The following PTPRJ variants were observed in gnomAD, a reference collection of about 807,000 sequenced individuals.
PTPRJ encodes the protein receptor-type tyrosine-protein phosphatase eta.
Under a neutral mutation model 141.3 loss-of-function variants are expected in PTPRJ, and 129 were observed. That is an observed-to-expected ratio of 0.91 (90% CI 0.79 to 1.06). The LOEUF (loss-of-function observed/expected upper bound fraction) is 1.06. Among genes scored for constraint, PTPRJ ranks in the 50% least tolerant of loss-of-function variants. The pLI is 0.00. For synonymous variants in PTPRJ, 610 were observed against 640.5 expected, an observed-to-expected ratio of 0.95 and a Z score of 0.72; for missense variants, 1,601 against 1,679.7, an observed-to-expected ratio of 0.95 and a Z score of 0.82.
intron 8 of PTPRJ, chr11:48,131,671 G>A: frequency 1.8e-6 from 1 of 560,918 alleles, no homozygotes; most frequent in Non-Finnish European, 3.2e-6. Flanking sequence ...GGCTACTTTG[G>A]TGCTAGAATT....
chr11:48,130,398 G>T, intron 7 of PTPRJ, 61 bp from the exon 8 acceptor site: 1 of 1,488,174 alleles, frequency 6.7e-7, no homozygotes, highest in South Asian at 1.3e-5. Flanking sequence ...TTCTGAGGTG[G>T]GGCATCCCTG....
intron 1 of PTPRJ, among the ~76,000 whole-genome samples, chr11:48,000,316 T>A (rs1438404592): frequency 6.7e-5 from 10 of 148,974 alleles, no homozygotes; most frequent in African/African-American, 1.5e-4. Context: ...AATTTTAAAA[T>A]TTTTTTTTTG....
intron 1 of PTPRJ, among the ~76,000 whole-genome samples, chr11:48,027,863 A>C (rs1201884362): frequency 6.7e-6 from 1 of 148,460 alleles, no homozygotes; most frequent in African/African-American, 2.5e-5. Flanking sequence ...GGAAGGCTGC[A>C]GTATTGTCAG....
Position 48,142,994 on chromosome 11 carries a change from T to G in PTPRJ, c.2519T>G (p.Phe840Cys). The G allele has an allele frequency of 6.2e-7, 1 of 1,614,202 alleles. No homozygotes were observed. Among genetic ancestry groups the G allele is most frequent in the Non-Finnish European group, 8.5e-7 (1 of 1,180,020 alleles). ...TCAGTAAAGGTCAAGTTCAGTGGAT[T>G]TGAAGCCAGCCACGGACCCATCAAA... Reference protein sequence around the residue: ...HNSVKVKFSGFEASHGPIKAY... With the variant: ...HNSVKVKFSGCEASHGPIKAY... The change falls in exon 12 of 25, where the codon TTT becomes TGT. Residue 840 changes from phenylalanine (F) to cysteine (C), a missense_variant. Transcript: ENST00000418331.
rs543157711 is a variant in PTPRJ at position 48,118,968 on chromosome 11, C to T, written c.353-2035C>T. Among the ~76,000 whole-genome samples the T allele has an allele frequency of 6.6e-5, 9 of 136,014 alleles. No homozygotes were observed. In the East Asian group the frequency reaches 1.9e-3, roughly 29 times the overall value. 89.2% of individuals were successfully genotyped at this position (136,014 alleles called of 152,430 possible). On this transcript the variant is annotated intron_variant, in intron 3 of 24. Transcript: ENST00000418331. The stretch of plus-strand genomic sequence containing the variant: ...CCGGGAGGCAGAGGTTGCAGTGAGC[C>T]AAGATCACGCCACTACACTCCAGTC...
At chr11:47,997,487 T>C (rs1384937535) in intron 1 of PTPRJ, among the ~76,000 whole-genome samples, 1 of 152,208 alleles carries the variant, frequency 6.6e-6, no homozygotes. Flanking sequence ...TCTCATTCAC[T>C]GAGTCCTTTT....
intron 1 of PTPRJ, among the ~76,000 whole-genome samples, chr11:48,093,573 C>A (rs1855926922): frequency 1.3e-5 from 2 of 152,054 alleles, no homozygotes; most frequent in African/African-American, 4.8e-5. Flanking sequence ...TGATCGTGTA[C>A]AACTAAATGA....
chr11:48,046,910 ATATTTTTTTTTTT>A (rs1374946566), intron 1 of PTPRJ, among the ~76,000 whole-genome samples: 162 of 87,088 alleles, frequency 1.9e-3, no homozygotes, highest in Middle Eastern at 5.6e-3. Flanking sequence ...ATATATATAT[ATATTTTTTTTTTT>A]TTTTTTTTTT....
intron 3 of PTPRJ, among the ~76,000 whole-genome samples, chr11:48,120,780 C>G (rs1359940503): frequency 6.6e-6 from 1 of 152,098 alleles, no homozygotes; most frequent in African/African-American, 2.4e-5. Context: ...CAACTTCTGT[C>G]AGTTTTGCTT....
intron 1 of PTPRJ, among the ~76,000 whole-genome samples, chr11:47,989,632 CTATAGATAGATAGA>C (rs1854139925): frequency 6.6e-6 from 1 of 151,666 alleles, no homozygotes; most frequent in Non-Finnish European, 1.5e-5. Context: ...AAATCTATAT[CTATAGATAGATAGA>C]TATAGATATA....
At chr11:48,080,982 C>T (rs1251329032) in intron 1 of PTPRJ, among the ~76,000 whole-genome samples, 1 of 152,194 alleles carries the variant, frequency 6.6e-6, no homozygotes, top group Non-Finnish European at 1.5e-5. Flanking sequence ...ATTCTCAAAC[C>T]TTATTTTACA....
intron 1 of PTPRJ, among the ~76,000 whole-genome samples, chr11:48,052,845 A>C (rs1854610747): frequency 6.6e-6 from 1 of 151,774 alleles, no homozygotes; most frequent in South Asian, 2.1e-4. Context: ...AGAAACTAGT[A>C]ATGGCTGAGC....
intron 4 of PTPRJ, among the ~76,000 whole-genome samples, chr11:48,122,600 G>A (rs186713960): frequency 6.6e-6 from 1 of 152,316 alleles, no homozygotes; most frequent in African/African-American, 2.4e-5. Flanking sequence ...TGGTGGGGCT[G>A]GAACCCGGAG....
chr11:47,989,817 AT>A (rs1854144521), intron 1 of PTPRJ, among the ~76,000 whole-genome samples: 1 of 152,066 alleles, frequency 6.6e-6, no homozygotes, highest in African/African-American at 2.4e-5. Context: ...TGAAGAGAGC[AT>A]AGAATTTGGA....
chr11:48,008,097 C>T (rs186306850), intron 1 of PTPRJ, among the ~76,000 whole-genome samples: 11 of 151,840 alleles, frequency 7.2e-5, no homozygotes, highest in East Asian at 5.8e-4. Context: ...AGTTCTGACA[C>T]GTGCCAGGTG....
chr11:48,090,084 G>T (rs1855826475), intron 1 of PTPRJ, among the ~76,000 whole-genome samples: 1 of 152,204 alleles, frequency 6.6e-6, no homozygotes, highest in African/African-American at 2.4e-5. Flanking sequence ...CTGGTGTTCA[G>T]TCCCCTCCCT....
In PTPRJ at chr11:47,980,671, C is replaced by A. The variant is rs1853873152; in HGVS notation, c.-242C>A. 6 of 987,170 alleles carry A rather than the reference C, an allele frequency of 6.1e-6. No individual in the cohort carries two copies. The highest frequency in any genetic ancestry group is 7.2e-6 in the Non-Finnish European group (6 of 832,458). The allele number at this position is 987,170 out of a possible 1,614,324, so 61.2% of individuals were successfully genotyped here. On this transcript the variant is annotated 5_prime_UTR_variant, in exon 1 of 25. Coordinates refer to ENST00000418331, the MANE Select transcript of PTPRJ (RefSeq NM_002843.4). ...CTCGCTCCGCCCCGCGAAGCCCCTG[C>A]GCGCTCAGGGACGCGGCCCCCCCGC...
chr11:48,162,220 G>C (rs1171151754), intron 22 of PTPRJ, among the ~76,000 whole-genome samples: 2 of 151,782 alleles, frequency 1.3e-5, no homozygotes, highest in African/African-American at 4.8e-5. Flanking sequence ...TTAGAAAATC[G>C]AGAAATTACA....
intron 1 of PTPRJ, among the ~76,000 whole-genome samples, chr11:48,013,338 A>G (rs1321711345): frequency 6.6e-6 from 1 of 152,118 alleles, no homozygotes; most frequent in Non-Finnish European, 1.5e-5. Flanking sequence ...GCGCAGCAGC[A>G]TACAGGGGTC....
Sources: gnomAD v4.1 joint callset for allele counts (sites outside exome capture counted in the v4.1 genomes callset) on GRCh38, gnomAD v4.1.1 for gene constraint, MANE v1.5 for transcripts, NCBI Gene and HGNC (gene_info 2026-07-23, HGNC 2026-07-21) for gene names.